NRG1: variants seen among roughly 807,000 people sequenced by gnomAD.
NRG1 encodes the protein pro-neuregulin-1, membrane-bound isoform.
In NRG1, 18 loss-of-function variants were observed where a neutral mutation model predicts 63.8. The ratio of observed to expected loss-of-function variants is 0.28; its 90% CI spans 0.19 to 0.42. The LOEUF (loss-of-function observed/expected upper bound fraction) is 0.42, where lower values mean the gene tolerates loss of function less well. Among genes scored for constraint, NRG1 ranks in the 10% least tolerant of loss-of-function variants. The pLI is 1.00. For missense variants in NRG1, 762 were observed against 814.7 expected (o/e 0.94, Z 0.79); for synonymous variants, 302 against 301.3 (o/e 1.00, Z -0.02).
At chr8:32,142,324 A>G (rs1417210614) in intron 1 of NRG1, among the ~76,000 whole-genome samples, 5 of 152,114 alleles carry the variant, frequency 3.3e-5, no homozygotes, top group Non-Finnish European at 7.4e-5. Flanking sequence ...GAGATAGTTG[A>G]CTGTGCTTGT....
chr8:32,236,620 G>T (rs1206538051), intron 1 of NRG1, among the ~76,000 whole-genome samples: 1 of 152,050 alleles, frequency 6.6e-6, no homozygotes, highest in Non-Finnish European at 1.5e-5. Flanking sequence ...AATTAAATTT[G>T]TTTTCTTTGT....
intron 1 of NRG1, among the ~76,000 whole-genome samples, chr8:32,569,633 T>G (rs923308971): frequency 1.6e-4 from 24 of 152,230 alleles, no homozygotes; most frequent in Non-Finnish European, 1.8e-4. Context: ...TATTCTTTTC[T>G]GCACTTTAAT....
intron 1 of NRG1, among the ~76,000 whole-genome samples, chr8:32,314,711 C>A (rs561572586): frequency 1.3e-5 from 2 of 152,184 alleles, no homozygotes; most frequent in Non-Finnish European, 2.9e-5. Flanking sequence ...TTCCTCCCTG[C>A]AGTCTGAGGA....
At chr8:32,202,847 A>G (rs948194783) in intron 1 of NRG1, among the ~76,000 whole-genome samples, 1 of 150,760 alleles carries the variant, frequency 6.6e-6, no homozygotes, top group African/African-American at 2.4e-5. Flanking sequence ...TGGGGTTTAT[A>G]TGGATGGGCA....
chr8:32,652,146 G>C (rs940374422), intron 5 of NRG1, among the ~76,000 whole-genome samples: 1 of 152,164 alleles, frequency 6.6e-6, no homozygotes, highest in Non-Finnish European at 1.5e-5. Flanking sequence ...TTACTGTAGA[G>C]AGTTGGAGCT....
At chr8:31,669,446 C>T (rs1442691453) in intron 1 of NRG1, among the ~76,000 whole-genome samples, 1 of 152,056 alleles carries the variant, frequency 6.6e-6, no homozygotes, top group Admixed American at 6.6e-5. Context: ...GCCATGTTGC[C>T]CAGGCTGGTC....
At chr8:32,636,016 AC>A (rs1410226837) in intron 5 of NRG1, among the ~76,000 whole-genome samples, 4 of 152,010 alleles carry the variant, frequency 2.6e-5, no homozygotes, top group Non-Finnish European at 4.4e-5. Context: ...CAGGTATTTA[AC>A]CCCAAGTTAA....
At chr8:32,121,042 C>T (rs552699971) in intron 1 of NRG1, among the ~76,000 whole-genome samples, 64 of 152,084 alleles carry the variant, frequency 4.2e-4, no homozygotes, top group African/African-American at 1.5e-3. Flanking sequence ...CATACTCATT[C>T]GTATCACAGA....
chr8:32,445,623 C>A (rs1215068535), intron 1 of NRG1, among the ~76,000 whole-genome samples: 1 of 152,154 alleles, frequency 6.6e-6, no homozygotes, highest in Non-Finnish European at 1.5e-5. Flanking sequence ...TACTGGCCAA[C>A]TGACTTCTCT....
chr8:32,314,543 C>T (rs917581308), intron 1 of NRG1, among the ~76,000 whole-genome samples: 1 of 152,196 alleles, frequency 6.6e-6, no homozygotes, highest in South Asian at 2.1e-4. Context: ...GAAGTAAACA[C>T]TTACTCTGCA....
At chr8:32,293,286 T>C (rs1202941722) in intron 1 of NRG1, among the ~76,000 whole-genome samples, 1 of 152,152 alleles carries the variant, frequency 6.6e-6, no homozygotes, top group Non-Finnish European at 1.5e-5. Flanking sequence ...TGGGTTCTTC[T>C]AAGAGAGACA....
intron 1 of NRG1, among the ~76,000 whole-genome samples, chr8:32,134,946 A>G (rs1043887880): frequency 1.3e-5 from 2 of 152,178 alleles, no homozygotes; most frequent in African/African-American, 4.8e-5. Context: ...GCTATTTTAG[A>G]TCAGGTATTC....
chr8:31,947,108 G>A (rs1802670378), intron 1 of NRG1, among the ~76,000 whole-genome samples: 1 of 151,736 alleles, frequency 6.6e-6, no homozygotes, highest in African/African-American at 2.4e-5. Flanking sequence ...AGACCATCCT[G>A]GCTAACAAGG....
chr8:31,913,513 C>G (rs1240130812), intron 1 of NRG1, among the ~76,000 whole-genome samples: 1 of 152,108 alleles, frequency 6.6e-6, no homozygotes, highest in Non-Finnish European at 1.5e-5. Flanking sequence ...TTTCATCTTA[C>G]ATTTTTACAT....
chr8:32,461,269 T>G (rs1822271645), intron 1 of NRG1, among the ~76,000 whole-genome samples: 1 of 152,200 alleles, frequency 6.6e-6, no homozygotes, highest in African/African-American at 2.4e-5. Flanking sequence ...GCAAAGAAAC[T>G]TTAATATCTT....
intron 1 of NRG1, among the ~76,000 whole-genome samples, chr8:32,382,545 T>C (rs182338047): frequency 6.4e-4 from 97 of 152,306 alleles, no homozygotes; most frequent in African/African-American, 2.1e-3. Context: ...CCTGGAAATA[T>C]AAGATTAAGG....
intron 1 of NRG1, among the ~76,000 whole-genome samples, chr8:32,340,769 C>T (rs901151217): frequency 7.2e-5 from 11 of 152,174 alleles, no homozygotes; most frequent in African/African-American, 2.4e-4. Context: ...CCCTTAAGCC[C>T]GATATCCTGT....
At chr8:31,911,584 G>C (rs756363760) in intron 1 of NRG1, among the ~76,000 whole-genome samples, 1 of 152,172 alleles carries the variant, frequency 6.6e-6, no homozygotes. Flanking sequence ...GGTCTTACCA[G>C]ATGGAGGAGG....
At chr8:32,526,971 A>G (rs1830913661) in intron 1 of NRG1, among the ~76,000 whole-genome samples, 1 of 152,198 alleles carries the variant, frequency 6.6e-6, no homozygotes, top group South Asian at 2.1e-4. Context: ...TTCATAGTCC[A>G]TGTATATATT....
Sources: allele counts gnomAD v4.1 joint callset (sites outside exome capture counted in the v4.1 genomes callset), GRCh38; gene constraint gnomAD v4.1.1; transcripts MANE v1.5; gene names NCBI Gene and HGNC (gene_info 2026-07-23, HGNC 2026-07-21).